The following MAP2K4 variants were observed in gnomAD, a reference collection of about 807,000 sequenced individuals.
The protein encoded by MAP2K4 is mitogen-activated protein kinase kinase 4.
Under a neutral mutation model 48.5 loss-of-function variants are expected in MAP2K4, and 4 were observed. The observed-to-expected ratio is 0.08, with a 90% CI of 0.04 to 0.19. The LOEUF (loss-of-function observed/expected upper bound fraction) is 0.19, where lower values mean the gene tolerates loss of function less well. MAP2K4 is among the 10% of genes least tolerant of loss of function. MAP2K4 has a pLI of 1.00. For missense variants in MAP2K4, 258 were observed against 493.3 expected (o/e 0.52, Z 4.52); for synonymous variants, 166 against 173.1 (o/e 0.96, Z 0.32).
chr17:12,056,301 C>T (rs1039814654), intron 2 of MAP2K4, among the ~76,000 whole-genome samples: 1 of 150,592 alleles, frequency 6.6e-6, no homozygotes, highest in Non-Finnish European at 1.5e-5. Context: ...TAAATTAAAA[C>T]TGGAAAAACA....
intron 4 of MAP2K4, among the ~76,000 whole-genome samples, chr17:12,096,620 C>T (rs1971767789): frequency 6.6e-6 from 1 of 152,068 alleles, no homozygotes; most frequent in African/African-American, 2.4e-5. Flanking sequence ...TAAGAAAAAC[C>T]CTCCTGCTCT....
intron 2 of MAP2K4, among the ~76,000 whole-genome samples, chr17:12,062,161 T>G (rs1046632429): frequency 6.6e-6 from 1 of 151,696 alleles, no homozygotes; most frequent in Non-Finnish European, 1.5e-5. Flanking sequence ...CTGTTGCCAT[T>G]GTTTTGTGAA....
intron 3 of MAP2K4, among the ~76,000 whole-genome samples, chr17:12,092,378 T>A (rs898778946): frequency 1.3e-5 from 2 of 152,240 alleles, no homozygotes; most frequent in Non-Finnish European, 2.9e-5. Flanking sequence ...TTTGTTCTTA[T>A]TGATGTTCAA....
intron 3 of MAP2K4, among the ~76,000 whole-genome samples, chr17:12,087,506 A>G (rs1597453532): frequency 6.6e-6 from 1 of 152,130 alleles, no homozygotes; most frequent in East Asian, 1.9e-4. Context: ...GTAATATAAC[A>G]CATGCTTTTG....
Position 12,143,146 on chromosome 17 carries a change from G to C in MAP2K4, c.*1886G>C, listed in dbSNP as rs896115338. 8.6e-6 allele frequency: 2 copies of C among 232,688 alleles called. No individual in the cohort carries two copies. Among genetic ancestry groups the C allele is most frequent in the African/African-American group, 4.4e-5 (2 of 45,230 alleles). The allele number at this position is 232,688 out of a possible 1,614,324, so 14.4% of individuals were successfully genotyped here. ...GAGACATTGCTCTATGTCTGCCTTC[G>C]ACCACAGCAAGCCATCATCCTCCAT... On this transcript the variant is annotated 3_prime_UTR_variant, in exon 11 of 11. Coordinates refer to ENST00000353533, the MANE Select transcript of MAP2K4 (RefSeq NM_003010.4).
In MAP2K4 at chr17:12,141,967, AC is replaced by A. The variant is rs1172239991; in HGVS notation, c.*709del. On this transcript the variant is annotated 3_prime_UTR_variant, in exon 11 of 11. Coordinates refer to ENST00000353533, the MANE Select transcript of MAP2K4 (RefSeq NM_003010.4). ...GACAGAATGTGTTCTTTTCTCCTTTACCAGTCCTATTTTTCAATGGGAAGAC... is the reference window on the plus strand; with the variant it reads ...GACAGAATGTGTTCTTTTCTCCTTTACAGTCCTATTTTTCAATGGGAAGAC... The A allele has an allele frequency of 4.3e-6, 1 of 233,126 alleles. No homozygotes were observed. Among genetic ancestry groups the A allele is most frequent in the East Asian group, 6.0e-5 (1 of 16,554 alleles). The allele number at this position is 233,126 out of a possible 1,614,324, so 14.4% of individuals were successfully genotyped here.
At chr17:12,107,757 G>A (rs190145957) in intron 4 of MAP2K4, 33 bp from the exon 5 acceptor site, 3 of 1,538,974 alleles carry the variant, frequency 1.9e-6, no homozygotes, top group East Asian at 4.8e-5. Context: ...TATTTAAGAT[G>A]TATAAGAATA....
chr17:12,083,490 G>T (rs1597449666), intron 3 of MAP2K4, among the ~76,000 whole-genome samples: 1 of 152,282 alleles, frequency 6.6e-6, no homozygotes, highest in South Asian at 2.1e-4. Context: ...CCACCACATG[G>T]TACTACCTAG....
chr17:12,065,297 T>A (rs1555545205), intron 2 of MAP2K4, among the ~76,000 whole-genome samples: 1 of 135,294 alleles, frequency 7.4e-6, no homozygotes, highest in Non-Finnish European at 1.6e-5. Flanking sequence ...ATTATTGGTG[T>A]TTGTTGTTTT....
chr17:12,106,775 T>C (rs1221976050), intron 4 of MAP2K4, among the ~76,000 whole-genome samples: 1 of 152,152 alleles, frequency 6.6e-6, no homozygotes, highest in Non-Finnish European at 1.5e-5. Flanking sequence ...TCCTGTACTT[T>C]TACAGTTATA....
chr17:12,035,637 A>ATTCTAAGGATAT (rs2151512753), intron 1 of MAP2K4, among the ~76,000 whole-genome samples: 1 of 152,354 alleles, frequency 6.6e-6, no homozygotes, highest in Admixed American at 6.5e-5. Flanking sequence ...CTCCACTTTT[A>ATTCTAAGGATAT]TTCTAAGGAT....
Position 12,142,831 on chromosome 17 carries a change from A to G in MAP2K4, c.*1571A>G, listed in dbSNP as rs891149587. ...CACTGAACCTTAGGCTTTGTATGACAGTGAAGCAGCACTGTGAGTGGTTCA... is the reference window on the plus strand; with the variant it reads ...CACTGAACCTTAGGCTTTGTATGACGGTGAAGCAGCACTGTGAGTGGTTCA... On this transcript the variant is annotated 3_prime_UTR_variant, in exon 11 of 11. Transcript: ENST00000353533. The G allele has an allele frequency of 1.7e-5, 4 of 232,808 alleles. No individual in the cohort carries two copies. The Admixed American group carries it at 2.3e-4, about 13-fold the overall frequency. 14.4% of individuals were successfully genotyped at this position (232,808 alleles called of 1,614,324 possible).
chr17:12,079,225 C>T lies in MAP2K4; in HGVS notation c.219-2131C>T, dbSNP rs533829163. Among the ~76,000 whole-genome samples, 5 of 152,278 alleles carry T rather than the reference C, an allele frequency of 3.3e-5. No homozygotes were observed. The East Asian group carries it at 5.8e-4, about 18-fold the overall frequency. Reference sequence around the variant, plus strand: ...CCCAAGTAGGTACCCTGTATCACTTCGCTTTCAACTTATTCAGTTTTAAAA... The same window carrying T: ...CCCAAGTAGGTACCCTGTATCACTTTGCTTTCAACTTATTCAGTTTTAAAA... On this transcript the variant is annotated intron_variant, in intron 2 of 10. Transcript: ENST00000353533.
chr17:12,030,649 CT>C (rs925823156), intron 1 of MAP2K4, among the ~76,000 whole-genome samples: 17 of 152,122 alleles, frequency 1.1e-4, no homozygotes, highest in African/African-American at 3.9e-4. Context: ...AGCAATGTAA[CT>C]TTTTTTAACA....
intron 1 of MAP2K4, among the ~76,000 whole-genome samples, chr17:12,036,020 T>A (rs1032816250): frequency 1.3e-5 from 2 of 152,220 alleles, no homozygotes; most frequent in African/African-American, 4.8e-5. Context: ...ATTACATATT[T>A]AATTTGGGAA....
chr17:12,030,194 GACTA>G (rs1969388181), intron 1 of MAP2K4, among the ~76,000 whole-genome samples: 1 of 152,150 alleles, frequency 6.6e-6, no homozygotes, highest in Admixed American at 6.5e-5. Context: ...GATTTAGACA[GACTA>G]ACTAAAAACG....
intron 8 of MAP2K4, among the ~76,000 whole-genome samples, chr17:12,128,234 C>T (rs1453838201): frequency 1.3e-5 from 2 of 152,238 alleles, no homozygotes; most frequent in South Asian, 2.1e-4. Context: ...CCTGCCACCA[C>T]GCCCGGCTAA....
At chr17:12,055,720 T>A (rs1463450138) in intron 2 of MAP2K4, among the ~76,000 whole-genome samples, 1 of 152,080 alleles carries the variant, frequency 6.6e-6, no homozygotes, top group African/African-American at 2.4e-5. Flanking sequence ...TGCTATTTTC[T>A]CTTCTTTCAG....
rs1283569342 is a variant in MAP2K4, at chr17:12,143,766, TGA to T, written c.*2510_*2511del. ...AATTTGATTTTCTGAAATCAGACCCTGAGAGGGGAAAATCTTAAAGTAAATTA... is the reference window on the plus strand; with the variant it reads ...AATTTGATTTTCTGAAATCAGACCCTGAGGGGAAAATCTTAAAGTAAATTA... On this transcript the variant is annotated 3_prime_UTR_variant, in exon 11 of 11. Transcript: ENST00000353533. The T allele has an allele frequency of 8.7e-6, 2 of 229,622 alleles. No homozygotes were observed. Among genetic ancestry groups the T allele is most frequent in the African/African-American group, 4.4e-5 (2 of 45,218 alleles). 14.2% of individuals were successfully genotyped at this position (229,622 alleles called of 1,614,324 possible).
Sources: allele counts gnomAD v4.1 joint callset (sites outside exome capture counted in the v4.1 genomes callset), GRCh38; gene constraint gnomAD v4.1.1; transcripts MANE v1.5; gene names NCBI Gene and HGNC (gene_info 2026-07-23, HGNC 2026-07-21).